CD8B2: variants seen among roughly 807,000 people sequenced by gnomAD.
CD8B2 encodes the protein CD8B family member 2.
In CD8B2, 11 loss-of-function variants were observed where a neutral mutation model predicts 23.7. The observed-to-expected ratio is 0.46, with a 90% confidence interval of 0.29 to 0.77. The LOEUF (loss-of-function observed/expected upper bound fraction) is 0.77, where lower values mean the gene tolerates loss of function less well. CD8B2 is among the 30% of genes least tolerant of loss of function. CD8B2 has a pLI of 0.09. For missense variants in CD8B2, 197 were observed against 270.5 expected (o/e 0.73, Z 1.91); for synonymous variants, 90 against 109.3 (o/e 0.82, Z 1.10).
At chr2:106,493,325 G>A (rs1679230413) in intron 2 of CD8B2, among the ~76,000 whole-genome samples, 2 of 152,156 alleles carry the variant, frequency 1.3e-5, no homozygotes, top group East Asian at 1.9e-4. Context: ...AGAACAGAGA[G>A]GGAGAGATTA....
intron 5 of CD8B2, among the ~76,000 whole-genome samples, chr2:106,529,938 T>C (rs966266038): frequency 6.6e-6 from 1 of 152,168 alleles, no homozygotes; most frequent in African/African-American, 2.4e-5. Context: ...TGAAAAACCA[T>C]AGCAAAACCA....
intron 5 of CD8B2, among the ~76,000 whole-genome samples, chr2:106,533,036 C>G (rs1680013756): frequency 6.6e-6 from 1 of 152,118 alleles, no homozygotes; most frequent in Non-Finnish European, 1.5e-5. Flanking sequence ...CAAGGAGTGG[C>G]AATACTTGGA....
At chr2:106,519,832 A>G (rs1345467500) in intron 5 of CD8B2, among the ~76,000 whole-genome samples, 5 of 152,238 alleles carry the variant, frequency 3.3e-5, no homozygotes, top group Non-Finnish European at 5.9e-5. Context: ...GAAGTTTACA[A>G]ATTTGTGTTG....
chr2:106,538,803 AC>A (rs1335155968), intron 5 of CD8B2, among the ~76,000 whole-genome samples: 1 of 149,750 alleles, frequency 6.7e-6, no homozygotes, highest in Admixed American at 6.6e-5. Flanking sequence ...CCACCCACCC[AC>A]CCTTCCACAC....
chr2:106,506,567 G>C (rs2104559918), intron 5 of CD8B2, among the ~76,000 whole-genome samples: 1 of 150,996 alleles, frequency 6.6e-6, no homozygotes, highest in Non-Finnish European at 1.5e-5. Flanking sequence ...GTTGCGATTT[G>C]AGGTAGTTGT....
chr2:106,528,075 C>T (rs1456955060), intron 5 of CD8B2, among the ~76,000 whole-genome samples: 3 of 152,214 alleles, frequency 2.0e-5, no homozygotes, highest in African/African-American at 7.2e-5. Flanking sequence ...CGGGCATCAC[C>T]GACTGGGGGG....
chr2:106,544,134 G>A (rs548806232), exon 6 of CD8B2: 3 of 398,376 alleles, frequency 7.5e-6, no homozygotes, highest in Non-Finnish European at 8.8e-6. Context: ...GGTGGAGTAT[G>A]GTTGAACAGG....
chr2:106,493,140 C>G (rs929725412), intron 2 of CD8B2, among the ~76,000 whole-genome samples: 1 of 152,184 alleles, frequency 6.6e-6, no homozygotes, highest in Non-Finnish European at 1.5e-5. Flanking sequence ...TGCAGCCAAA[C>G]CTGCTTCTCC....
At chr2:106,498,980 G>C (rs891235505) in intron 3 of CD8B2, among the ~76,000 whole-genome samples, 8 of 152,050 alleles carry the variant, frequency 5.3e-5, no homozygotes, top group African/African-American at 1.4e-4. Context: ...GAGACCCTGA[G>C]GCCCCAGTAA....
intron 5 of CD8B2, among the ~76,000 whole-genome samples, chr2:106,536,603 T>C (rs1391584980): frequency 6.6e-6 from 1 of 152,142 alleles, no homozygotes; most frequent in Non-Finnish European, 1.5e-5. Flanking sequence ...ATATTCAGCT[T>C]TGCTGTAGAG....
chr2:106,527,256 A>G (rs1457051678), intron 5 of CD8B2, among the ~76,000 whole-genome samples: 1 of 152,182 alleles, frequency 6.6e-6, no homozygotes, highest in Admixed American at 6.5e-5. Flanking sequence ...CTTAAAAAAA[A>G]ATATTACCAT....
intron 5 of CD8B2, 99 bp from the exon 6 acceptor site, chr2:106,506,829 T>C (rs1679516169): frequency 6.4e-7 from 1 of 1,569,334 alleles, no homozygotes; most frequent in South Asian, 1.2e-5. Flanking sequence ...CTACTTGGAG[T>C]AGAACTCTGC....
Position 106,507,278 on chromosome 2 carries a change from T to C in CD8B2, c.*338T>C, listed in dbSNP as rs1251309864. On this transcript the variant is annotated 3_prime_UTR_variant, in exon 6 of 6. Transcript: ENST00000643224. ...TTTAGTGGTGGCCGTTTAGCCACCA[T>C]CTTTGCAAGTTGCTTTGCCCTGGTA... The C allele has an allele frequency of 2.7e-6, 3 of 1,109,864 alleles. No individual in the cohort carries two copies. In the African/African-American group the frequency reaches 4.9e-5, roughly 18 times the overall value. 68.8% of individuals were successfully genotyped at this position (1,109,864 alleles called of 1,614,324 possible). A position where few individuals can be genotyped will look rare whatever the true frequency, so the allele number is the denominator to read the frequency against.
chr2:106,526,842 A>G (rs1247982392), intron 5 of CD8B2, among the ~76,000 whole-genome samples: 1 of 152,102 alleles, frequency 6.6e-6, no homozygotes, highest in Non-Finnish European at 1.5e-5. Context: ...GGGTTTCACC[A>G]TGTTGGCCAG....
Position 106,488,614 on chromosome 2 carries a change from C to A in CD8B2, c.43+1145C>A, listed in dbSNP as rs556461526. On this transcript the variant is annotated intron_variant, in intron 1 of 5. Coordinates refer to ENST00000643224, the MANE Select transcript of CD8B2 (RefSeq NM_001349727.2). ...ATAACCACCATCGGGGAGAGGATTG[C>A]AGGTTTCTTCAATTCAGTGGTTCAA... Among the ~76,000 whole-genome samples, 3 of 152,334 alleles carry A rather than the reference C, an allele frequency of 2.0e-5. No homozygotes were observed. The South Asian group carries it at 6.2e-4, about 32-fold the overall frequency.
chr2:106,500,564 T>TAAA (rs1194192057), intron 3 of CD8B2, among the ~76,000 whole-genome samples: 13 of 101,778 alleles, frequency 1.3e-4, no homozygotes, highest in East Asian at 1.1e-3. Context: ...AAATAAATAA[T>TAAA]TAAAAAATAC....
At chr2:106,521,221 ACT>A (rs1168212077) in intron 5 of CD8B2, among the ~76,000 whole-genome samples, 1 of 152,068 alleles carries the variant, frequency 6.6e-6, no homozygotes, top group Admixed American at 6.6e-5. Context: ...TGGCCACCAC[ACT>A]CTAATCGTAT....
chr2:106,515,080 C>G (rs529542509), downstream of CD8B2, among the ~76,000 whole-genome samples: 2 of 152,200 alleles, frequency 1.3e-5, no homozygotes, highest in Non-Finnish European at 2.9e-5. Context: ...AATCTCCTTT[C>G]GCAACACTCT....
At chr2:106,527,263 C>A (rs537617550) in intron 5 of CD8B2, among the ~76,000 whole-genome samples, 1 of 152,276 alleles carries the variant, frequency 6.6e-6, no homozygotes, top group African/African-American at 2.4e-5. Flanking sequence ...AAAAATATTA[C>A]CATCCTAGAG....
Sources: gnomAD v4.1 joint callset for allele counts (sites outside exome capture counted in the v4.1 genomes callset) on GRCh38, gnomAD v4.1.1 for gene constraint, MANE v1.5 for transcripts, NCBI Gene and HGNC (gene_info 2026-07-23, HGNC 2026-07-21) for gene names.